Variants in SHLD1 observed in about 807,000 individuals in gnomAD.
The protein encoded by SHLD1 is RINN1-REV7-interacting novel NHEJ regulator 3.
Under a neutral mutation model 5.5 loss-of-function variants are expected in SHLD1, and 3 were observed. The observed-to-expected ratio is 0.54, with a 90% CI of 0.25 to 1.40. SHLD1 has a LOEUF of 1.40. SHLD1 is among the 40% of genes most tolerant of loss of function. The pLI, the probability that SHLD1 is intolerant of heterozygous loss-of-function variation, is 0.15. For synonymous variants in SHLD1, 92 were observed against 94.3 expected (o/e 0.98, Z 0.14); for missense variants, 210 against 244.4 (o/e 0.86, Z 0.94).
intron 1 of SHLD1, among the ~76,000 whole-genome samples, chr20:5,770,940 T>TAA (rs1985119558): frequency 6.6e-6 from 1 of 152,140 alleles, no homozygotes; most frequent in Admixed American, 6.5e-5. Context: ...TTCCAGCCCT[T>TAA]CCTCTTTCAA....
rs756909286 is a variant in SHLD1, at chr20:5,863,265, T to C, written c.420T>C (p.Tyr140=). 2.5e-6 allele frequency: 4 copies of C among 1,614,192 alleles called. No homozygotes were observed. In the South Asian group the frequency reaches 3.3e-5, roughly 13 times the overall value. Residue 140 remains tyrosine (Y), a synonymous_variant, in exon 3 of 3, where the codon TAT becomes TAC. Transcript: ENST00000303142. ...TQLRGQESQK[Y]ALRSFQMARV... is the part of the protein sequence containing the mutation. ...TAAGAGGCCAGGAGAGCCAAAAGTATGCCCTCCGCAGTTTTCAAATGGCCC... is the reference window on the plus strand; with the variant it reads ...TAAGAGGCCAGGAGAGCCAAAAGTACGCCCTCCGCAGTTTTCAAATGGCCC...
intron 1 of SHLD1, among the ~76,000 whole-genome samples, chr20:5,757,677 A>G (rs1011948503): frequency 2.0e-5 from 3 of 152,104 alleles, no homozygotes; most frequent in Non-Finnish European, 4.4e-5. Context: ...AACTCTGCTC[A>G]CTGCAACCTC....
At chr20:5,860,584 TA>T (rs2088148060) in intron 2 of SHLD1, among the ~76,000 whole-genome samples, 1 of 152,116 alleles carries the variant, frequency 6.6e-6, no homozygotes, top group African/African-American at 2.4e-5. Context: ...AGATGAAGTT[TA>T]AAAAAAGTTT....
chr20:5,803,157 CT>C (rs928005744), intron 2 of SHLD1, among the ~76,000 whole-genome samples: 10 of 149,758 alleles, frequency 6.7e-5, no homozygotes, highest in African/African-American at 1.7e-4. Flanking sequence ...GATTGCAGAT[CT>C]TTTTTTTTTC....
chr20:5,813,930 T>G (rs2087492851), intron 2 of SHLD1, among the ~76,000 whole-genome samples: 1 of 150,420 alleles, frequency 6.6e-6, no homozygotes, highest in South Asian at 2.1e-4. Context: ...CTCAAACACC[T>G]TTTTCCTTTT....
intron 1 of SHLD1, among the ~76,000 whole-genome samples, chr20:5,754,295 G>T (rs768926066): frequency 8.6e-5 from 13 of 151,992 alleles, no homozygotes; most frequent in Non-Finnish European, 1.6e-4. Flanking sequence ...ATTTTTTGTA[G>T]AGTCGGGTTT....
At chr20:5,777,596 A>AAG (rs200360553) in intron 2 of SHLD1, among the ~76,000 whole-genome samples, 1 of 106,380 alleles carries the variant, frequency 9.4e-6, no homozygotes, top group East Asian at 2.4e-4. Flanking sequence ...ATTAAAAAAA[A>AAG]TTTTATTTTT....
intron 1 of SHLD1, among the ~76,000 whole-genome samples, chr20:5,765,849 C>T (rs1020511994): frequency 3.7e-5 from 5 of 133,808 alleles, no homozygotes; most frequent in African/African-American, 1.4e-4. Flanking sequence ...AAACTCCTGA[C>T]CTCACGTGAT....
At chr20:5,813,866 A>G (rs540995111) in intron 2 of SHLD1, among the ~76,000 whole-genome samples, 26 of 152,246 alleles carry the variant, frequency 1.7e-4, no homozygotes, top group Non-Finnish European at 2.8e-4. Context: ...CAAAAATGAA[A>G]CAAACAAAAA....
At chr20:5,820,317 C>T (rs908020904) in intron 2 of SHLD1, among the ~76,000 whole-genome samples, 2 of 152,208 alleles carry the variant, frequency 1.3e-5, no homozygotes, top group Admixed American at 6.5e-5. Context: ...CACCATGCTA[C>T]GCCAATAAAC....
chr20:5,831,518 G>A (rs2087728814), intron 2 of SHLD1, among the ~76,000 whole-genome samples: 2 of 152,146 alleles, frequency 1.3e-5, no homozygotes, highest in South Asian at 4.1e-4. Flanking sequence ...GATATGAAAG[G>A]CTGTGCTGTT....
chr20:5,856,747 A>T (rs1600184734), intron 2 of SHLD1, among the ~76,000 whole-genome samples: 2 of 152,180 alleles, frequency 1.3e-5, no homozygotes, highest in South Asian at 2.1e-4. Context: ...TTTAAAAAAA[A>T]TTTTCTTTTA....
At chr20:5,753,974 T>C (rs1264513954) in intron 1 of SHLD1, among the ~76,000 whole-genome samples, 1 of 152,172 alleles carries the variant, frequency 6.6e-6, no homozygotes, top group East Asian at 1.9e-4. Flanking sequence ...GATTTCCTTG[T>C]CATGAGACAG....
chr20:5,830,390 A>T (rs1282356624), intron 2 of SHLD1, among the ~76,000 whole-genome samples: 2 of 152,186 alleles, frequency 1.3e-5, no homozygotes, highest in Non-Finnish European at 2.9e-5. Flanking sequence ...TAAAAGACAA[A>T]GCAATGTGGC....
At chr20:5,781,927 G>A (rs918159006) in intron 2 of SHLD1, among the ~76,000 whole-genome samples, 6 of 152,116 alleles carry the variant, frequency 3.9e-5, no homozygotes, top group South Asian at 2.1e-4. Flanking sequence ...CAACCGGCAC[G>A]ACTGTACAGG....
intron 2 of SHLD1, among the ~76,000 whole-genome samples, chr20:5,839,541 T>TAGAC (rs373331681): frequency 8.2e-5 from 12 of 146,824 alleles, no homozygotes; most frequent in Non-Finnish European, 1.7e-4. Flanking sequence ...GATAGACAGA[T>TAGAC]AGACAGAAAA....
At chr20:5,784,215 A>T (rs560182950) in intron 2 of SHLD1, among the ~76,000 whole-genome samples, 1 of 151,554 alleles carries the variant, frequency 6.6e-6, no homozygotes, top group Non-Finnish European at 1.5e-5. Flanking sequence ...CCACATGGGG[A>T]AGTTGAATCC....
At chr20:5,750,571 T>C (rs1039735760) in intron 1 of SHLD1, 92 bp downstream of exon 1, 7 of 151,640 alleles carry the variant, frequency 4.6e-5, no homozygotes, top group African/African-American at 1.7e-4. Context: ...TAGGAAGTTA[T>C]GGAGGCTTTC....
At chr20:5,763,972 GA>G (rs1296877656) in intron 1 of SHLD1, among the ~76,000 whole-genome samples, 14 of 109,188 alleles carry the variant, frequency 1.3e-4, no homozygotes, top group Middle Eastern at 4.5e-3. Flanking sequence ...AAAAAAAATA[GA>G]AAAATCAGCT....
Sources: allele counts gnomAD v4.1 joint callset (sites outside exome capture counted in the v4.1 genomes callset), GRCh38; gene constraint gnomAD v4.1.1; transcripts MANE v1.5; gene names NCBI Gene and HGNC (gene_info 2026-07-23, HGNC 2026-07-21).